WDR17: variants seen among roughly 807,000 people sequenced by gnomAD.
WDR17 encodes WD repeat domain 17.
WDR17 carries 143 observed loss-of-function variants against 161.7 expected under a neutral mutation model. The ratio of observed to expected loss-of-function variants is 0.88; its 90% confidence interval spans 0.77 to 1.02. WDR17 has a LOEUF of 1.02. Among genes scored for constraint, WDR17 ranks in the 50% least tolerant of loss-of-function variants. The pLI is 0.00. For missense variants in WDR17, 1,469 were observed against 1,520.9 expected (o/e 0.97, Z 0.57); for synonymous variants, 517 against 515.6 (o/e 1.00, Z -0.04).
chr4:176,163,566 G>A (rs1318980448), intron 22 of WDR17, among the ~76,000 whole-genome samples: 1 of 152,162 alleles, frequency 6.6e-6, no homozygotes, highest in Non-Finnish European at 1.5e-5. Flanking sequence ...GACAACAAAT[G>A]TGCTCTTCTT....
chr4:176,088,656 T>A (rs1378661652), intron 1 of WDR17, among the ~76,000 whole-genome samples: 1 of 152,188 alleles, frequency 6.6e-6, no homozygotes, highest in Non-Finnish European at 1.5e-5. Context: ...GGACCTGCTA[T>A]AGATGTGGCA....
intron 4 of WDR17, among the ~76,000 whole-genome samples, chr4:176,123,751 T>G (rs983216614): frequency 1.3e-5 from 2 of 152,186 alleles, no homozygotes; most frequent in South Asian, 4.1e-4. Context: ...TGGGTTTTTA[T>G]AGAAGCTTTA....
chr4:176,148,248 G>T lies in WDR17; in HGVS notation c.1810G>T (p.Gly604Cys). 1 of 1,614,006 alleles carries T rather than the reference G, an allele frequency of 6.2e-7. No homozygotes were observed. Residue 604 changes from glycine to cysteine, a missense_variant, in exon 13 of 29, where the codon GGC (glycine) becomes TGC (cysteine). By Grantham distance (159) the Gly-to-Cys change is radical (BLOSUM62 -3). Transcript: ENST00000508596. ...TGAGATTCCATATCTGCTCATATCTGGCAGCTGGGACTATACTATAAAAGT... is the reference window on the plus strand; with the variant it reads ...TGAGATTCCATATCTGCTCATATCTTGCAGCTGGGACTATACTATAAAAGT... ...NTEIPYLLIS[G>C]SWDYTIKVWD...
chr4:176,089,236 C>T (rs1735801878), intron 1 of WDR17, among the ~76,000 whole-genome samples: 1 of 152,112 alleles, frequency 6.6e-6, no homozygotes, highest in African/African-American at 2.4e-5. Flanking sequence ...TCCCTCAGGG[C>T]TTCTTTTAGT....
At position 176,082,709 on chromosome 4, in the gene WDR17, A is replaced by G. The variant is rs534506604; in HGVS notation, c.-7+16630A>G. On this transcript the variant is annotated intron_variant, in intron 1 of 28. Coordinates refer to ENST00000508596, the MANE Select transcript of WDR17 (RefSeq NM_181265.4). ...ATCCCAATGCTTTTTATTTTCAAAA[A>G]TTTGTGGAAATATAGTGTCTAAGAT... Among the ~76,000 whole-genome samples the G allele has an allele frequency of 1.7e-4, 26 of 152,278 alleles. No homozygotes were observed. In the South Asian group the frequency reaches 5.0e-3, roughly 29 times the overall value.
At chr4:176,078,812 A>G (rs1469244861) in intron 1 of WDR17, among the ~76,000 whole-genome samples, 2 of 152,068 alleles carry the variant, frequency 1.3e-5, no homozygotes, top group Non-Finnish European at 2.9e-5. Flanking sequence ...GATACATGCA[A>G]TATAGAGTAA....
At chr4:176,147,157 G>A (rs563123541) in intron 12 of WDR17, among the ~76,000 whole-genome samples, 4 of 152,210 alleles carry the variant, frequency 2.6e-5, no homozygotes, top group African/African-American at 7.2e-5. Context: ...GAGCCCCTGC[G>A]CCTGGCCGAA....
At chr4:176,142,342 A>T (rs1199745879) in intron 11 of WDR17, among the ~76,000 whole-genome samples, 2 of 152,218 alleles carry the variant, frequency 1.3e-5, no homozygotes, top group Non-Finnish European at 2.9e-5. Flanking sequence ...CTAATGAAAA[A>T]TGGAAATGAG....
Position 176,125,249 on chromosome 4 carries a change from T to G in WDR17, c.684T>G (p.Asp228Glu), listed in dbSNP as rs891025298. The part of the protein sequence containing the change: ...VNLHYGIRLV[D>E]SESLSCITTF... ...TGCATTATGGAATTCGCCTGGTAGA[T>G]TCTGAATCACTTTCTTGCATAACAA... Residue 228 changes from aspartate to glutamate, a missense_variant, in exon 5 of 29, where the codon GAT becomes GAG. Physicochemically the swap from Asp to Glu is conservative, Grantham distance 45 (BLOSUM62 2). Transcript: ENST00000508596. 1 of 1,614,134 alleles carries G rather than the reference T, an allele frequency of 6.2e-7. No homozygotes were observed. The highest frequency in any genetic ancestry group is 8.5e-7 in the Non-Finnish European group (1 of 1,180,002).
At chr4:176,140,107 C>T in intron 10 of WDR17, 133 bp downstream of exon 10, 1 of 578,984 alleles carries the variant, frequency 1.7e-6, no homozygotes, top group East Asian at 2.9e-5. Flanking sequence ...TTTTTAAGCC[C>T]ATATAGGCAC....
At chr4:176,153,238 A>G (rs1747522184) in intron 17 of WDR17, among the ~76,000 whole-genome samples, 2 of 152,220 alleles carry the variant, frequency 1.3e-5, no homozygotes, top group South Asian at 2.1e-4. Flanking sequence ...ATGTTGGCTA[A>G]TTTGTTCACA....
At chr4:176,168,105 C>T (rs1750155250) in intron 22 of WDR17, among the ~76,000 whole-genome samples, 1 of 151,682 alleles carries the variant, frequency 6.6e-6, no homozygotes, top group African/African-American at 2.4e-5. Context: ...TGAGATTGCA[C>T]CACTGCACTC....
At chr4:176,092,819 ATCACTAGCGG>A (rs1402296511) in intron 1 of WDR17, among the ~76,000 whole-genome samples, 2 of 152,162 alleles carry the variant, frequency 1.3e-5, no homozygotes, top group African/African-American at 2.4e-5. Flanking sequence ...AGGTGGGTGG[ATCACTAGCGG>A]TCAGGAGTTC....
chr4:176,146,442 A>G (rs1579183990), intron 12 of WDR17, among the ~76,000 whole-genome samples: 1 of 152,320 alleles, frequency 6.6e-6, no homozygotes, highest in South Asian at 2.1e-4. Flanking sequence ...TTAATAAGAT[A>G]AATAATTAGG....
In WDR17 at chr4:176,119,881, C is replaced by T. The variant is rs1180008774; in HGVS notation, c.322C>T (p.Leu108Phe). 3.1e-6 allele frequency: 5 copies of T among 1,613,936 alleles called. No homozygotes were observed. The highest frequency in any genetic ancestry group is 2.5e-6 in the Non-Finnish European group (3 of 1,179,964). ...LDSTKGIPAS[L>F]SWCWNAEDVV... ...ATGTATTCCAGGGATCCCTGCTTCTCTTAGTTGGTGCTGGAATGCAGAGGA... is the reference window on the plus strand; with the variant it reads ...ATGTATTCCAGGGATCCCTGCTTCTTTTAGTTGGTGCTGGAATGCAGAGGA... Residue 108 changes from leucine (L) to phenylalanine (F), a missense_variant, in exon 4 of 29, where the codon CTT becomes TTT. Coordinates refer to ENST00000508596, the MANE Select transcript of WDR17 (RefSeq NM_181265.4).
At chr4:176,143,659 A>T (rs1270153226) in intron 11 of WDR17, among the ~76,000 whole-genome samples, 1 of 152,118 alleles carries the variant, frequency 6.6e-6, no homozygotes, top group African/African-American at 2.4e-5. Flanking sequence ...AGCCTGGGTG[A>T]TAGAGCCAGA....
At chr4:176,131,184 A>G (rs760438414) in intron 6 of WDR17, among the ~76,000 whole-genome samples, 2 of 152,132 alleles carry the variant, frequency 1.3e-5, no homozygotes, top group Non-Finnish European at 2.9e-5. Flanking sequence ...ATATGCATAT[A>G]TGTTTGTGTG....
intron 1 of WDR17, among the ~76,000 whole-genome samples, chr4:176,088,593 G>A (rs1050830473): frequency 1.2e-4 from 19 of 152,244 alleles, no homozygotes; most frequent in African/African-American, 3.9e-4. Flanking sequence ...TGATAGTGGC[G>A]ATCTGCTCAA....
intron 1 of WDR17, among the ~76,000 whole-genome samples, chr4:176,077,216 G>A (rs1561067963): frequency 6.7e-6 from 1 of 149,014 alleles, no homozygotes; most frequent in Non-Finnish European, 1.5e-5. Context: ...AAATATAAGG[G>A]CGGGGGTCAT....
Sources: allele counts gnomAD v4.1 joint callset (sites outside exome capture counted in the v4.1 genomes callset), GRCh38; gene constraint gnomAD v4.1.1; transcripts MANE v1.5; gene names NCBI Gene and HGNC (gene_info 2026-07-23, HGNC 2026-07-21).